The following SMARCD2 variants were observed in gnomAD, a reference collection of about 807,000 sequenced individuals.
SMARCD2 encodes SWI/SNF related BAF chromatin remodeling complex subunit D2.
SMARCD2 carries 39 observed loss-of-function variants against 70.4 expected under a neutral mutation model. The ratio of observed to expected loss-of-function variants is 0.55; its 90% confidence interval spans 0.43 to 0.72. The LOEUF (loss-of-function observed/expected upper bound fraction) is 0.72, where lower values mean the gene tolerates loss of function less well. Ranked by LOEUF, SMARCD2 falls within the 30% of genes least tolerant of loss-of-function variation. The probability of loss-of-function intolerance (pLI) is 0.00; values close to 1 mark genes in which losing one functional copy is unlikely to be tolerated. For missense variants in SMARCD2, 540 were observed against 713.4 expected, an observed-to-expected ratio of 0.76 and a Z score of 2.77; for synonymous variants, 249 against 279.4, an observed-to-expected ratio of 0.89 and a Z score of 1.08.
chr17:63,842,085 C>G (rs1456540181), intron 1 of SMARCD2, among the ~76,000 whole-genome samples: 1 of 152,204 alleles, frequency 6.6e-6, no homozygotes, highest in Non-Finnish European at 1.5e-5. Flanking sequence ...TGCAGGGTAA[C>G]CCCGGTTTCT....
rs2040250984 is a variant in SMARCD2 at position 63,835,273 on chromosome 17, C to T, written c.723+139G>A. 3.8e-6 allele frequency: 3 copies of T among 798,868 alleles called. No individual in the cohort carries two copies. The highest frequency in any genetic ancestry group is 2.9e-5 in the Admixed American group (1 of 34,196). The allele number at this position is 798,868 out of a possible 1,614,324, so 49.5% of individuals were successfully genotyped here. ...GAGTAGCTGGGACTACAGGTGCATG[C>T]CACCGCACCCAGCTAATTTTTAAAT... On this transcript the variant is annotated intron_variant, in intron 5 of 12. Coordinates refer to ENST00000448276, the MANE Select transcript of SMARCD2 (RefSeq NM_001098426.2).
Position 63,834,145 on chromosome 17 carries a change from CG to C in SMARCD2, c.1083+21del, listed in dbSNP as rs1567760687. 6.2e-7 allele frequency: 1 copy of C among 1,607,676 alleles called. No individual in the cohort carries two copies. The highest frequency in any genetic ancestry group is 1.7e-5 in the Admixed American group (1 of 59,180). On this transcript the variant is annotated intron_variant, in intron 8 of 12. Transcript: ENST00000448276. The surrounding 1 kb of genome is among the most constrained non-coding windows in gnomAD (Gnocchi z 5.6). ...CAAGGCAAAGCAAGGGCTGAGAAAA[CG>C]GGGGCTGGCATCTGGCTAACCTGGC...
chr17:63,839,080 G>A, intron 1 of SMARCD2: 1 of 985,374 alleles, frequency 1.0e-6, no homozygotes, highest in African/African-American at 1.7e-5. Flanking sequence ...TCTGCATCAG[G>A]AAGAGATTAA....
chr17:63,839,370 C>CCAGAT (rs1904351233), intron 1 of SMARCD2: 1 of 285,380 alleles, frequency 3.5e-6, no homozygotes, highest in Non-Finnish European at 5.3e-6. Flanking sequence ...GCAGGTGCTC[C>CCAGAT]GGTAACAGGA....
chr17:63,834,361 T>C lies in SMARCD2; in HGVS notation c.922-33A>G. The C allele has an allele frequency of 6.2e-7, 1 of 1,600,972 alleles. No individual in the cohort carries two copies. On this transcript the variant is annotated intron_variant, in intron 7 of 12. Transcript: ENST00000448276. This position sits in a 1 kb window ranked among gnomAD's most constrained non-coding sequence, Gnocchi z 5.6. ...TGGATGGAGGGGAGTCAGAACGGGT[T>C]CTTATAGTAGAACAGTGGGAAAATA... is the stretch of plus-strand genomic sequence containing the variant.
In SMARCD2 at chr17:63,833,276, C is replaced by T. The variant is rs1295716081; in HGVS notation, c.1440+22G>A. On this transcript the variant is annotated intron_variant, in intron 11 of 12. Transcript: ENST00000448276. The surrounding 1 kb of genome is among the most constrained non-coding windows in gnomAD (Gnocchi z 4.3). ...TCACCCAGAGCTTTACATAGGAGTCCCCTCGGGAAAGAGGACTACACCTTG... is the reference window on the plus strand; with the variant it reads ...TCACCCAGAGCTTTACATAGGAGTCTCCTCGGGAAAGAGGACTACACCTTG... 6.2e-7 allele frequency: 1 copy of T among 1,613,838 alleles called. No homozygotes were observed.
chr17:63,836,183 C>T (rs1257949147), intron 4 of SMARCD2, among the ~76,000 whole-genome samples: 1 of 152,018 alleles, frequency 6.6e-6, no homozygotes, highest in Admixed American at 6.6e-5. Flanking sequence ...ATATCCTAGT[C>T]CCCTGGAAAG....
At chr17:63,836,345 A>G (rs2040265351) in intron 4 of SMARCD2, among the ~76,000 whole-genome samples, 1 of 151,932 alleles carries the variant, frequency 6.6e-6, no homozygotes. Flanking sequence ...TAAAAATACA[A>G]AAATTAGCCG....
intron 5 of SMARCD2, 177 bp downstream of exon 5, chr17:63,835,235 G>A (rs1291697255): frequency 1.8e-5 from 11 of 612,158 alleles, no homozygotes; most frequent in Non-Finnish European, 3.1e-5. Context: ...CCATCCTCCT[G>A]CATCAGCCTT....
chr17:63,838,304 G>T (rs369435114), intron 1 of SMARCD2, among the ~76,000 whole-genome samples: 1 of 151,916 alleles, frequency 6.6e-6, no homozygotes, highest in Non-Finnish European at 1.5e-5. Context: ...CCACAGCCCA[G>T]AACTGGACCC....
In SMARCD2 at chr17:63,832,949, G is replaced by T; in HGVS notation, c.1585C>A (p.Arg529Ser). ...RQELEQVLGI[R>S]LT The stretch of plus-strand genomic sequence containing the variant: ...AGATCCCTGAGCAGTTAGGTCAGGC[G>T]AATTCCCAGCACCTGTTCCAGTTCC... Residue 529 changes from arginine (R) to serine (S), a missense_variant, in exon 13 of 13, where the codon CGC becomes AGC. Coordinates refer to ENST00000448276, the MANE Select transcript of SMARCD2 (RefSeq NM_001098426.2). 1 of 1,570,078 alleles carries T rather than the reference G, an allele frequency of 6.4e-7. No individual in the cohort carries two copies.
chr17:63,842,531 TGCCGGACCC>T lies in SMARCD2; in HGVS notation c.135_143del (p.Pro47_Gly49del). On this transcript the variant is annotated inframe_deletion, in exon 1 of 13. Transcript: ENST00000448276. The stretch of plus-strand genomic sequence containing the variant: ...CGGCCCCGGGGCCCCCCACGCCTCC[TGCCGGACCC>T]GGTCCCCGGAGCGCCGGTCCGGGCA... The T allele has an allele frequency of 8.3e-7, 1 of 1,212,096 alleles. No individual in the cohort carries two copies. Among genetic ancestry groups the T allele is most frequent in the South Asian group, 4.0e-5 (1 of 25,204 alleles). 75.1% of individuals were successfully genotyped at this position (1,212,096 alleles called of 1,614,324 possible).
chr17:63,837,489 C>T lies in SMARCD2; in HGVS notation c.353G>A (p.Arg118His), dbSNP rs1457142148. 8 of 1,591,494 alleles carry T rather than the reference C, an allele frequency of 5.0e-6. No individual in the cohort carries two copies. In the African/African-American group the frequency reaches 9.4e-5, roughly 19 times the overall value. ...PPTMMDPFRK[R>H]LLVPQAQPPM... The stretch of plus-strand genomic sequence containing the variant: ...AGGCTGCGCCTGGGGCACAAGCAGG[C>T]GTTTTCGGAATGGATCCATCATGGT... The change falls in exon 2 of 13, where the codon CGC becomes CAC. Residue 118 changes from arginine (R) to histidine (H), a missense_variant. Arg to His is a conservative substitution (Grantham distance 29, BLOSUM62 0). Coordinates refer to ENST00000448276, the MANE Select transcript of SMARCD2 (RefSeq NM_001098426.2). The surrounding 1 kb of genome is among the most constrained non-coding windows in gnomAD (Gnocchi z 6.4).
chr17:63,840,346 T>TA (rs1172588981), intron 1 of SMARCD2, among the ~76,000 whole-genome samples: 1 of 151,556 alleles, frequency 6.6e-6, no homozygotes, highest in Non-Finnish European at 1.5e-5. Context: ...AATTTTTTTT[T>TA]TTTTTTTTAA....
In SMARCD2 at chr17:63,835,532, C is replaced by T. The variant is rs577418122; in HGVS notation, c.603G>A (p.Thr201=). Residue 201 remains threonine (T), a synonymous_variant, in exon 5 of 13, where the codon ACG becomes ACA. Transcript: ENST00000448276. ...CGCCTTCCGCCTTGCTGGGACTGAACGTATTGGAAATGTAGATCCGAAGCT... is the reference window on the plus strand; with the variant it reads ...CGCCTTCCGCCTTGCTGGGACTGAATGTATTGGAAATGTAGATCCGAAGCT... ...KRKLRIYISN[T]FSPSKAEGDS... The T allele has an allele frequency of 1.1e-5, 18 of 1,613,856 alleles. 1 individual carries two copies. The highest frequency in any genetic ancestry group is 3.3e-5 in the Admixed American group (2 of 60,004).
Position 63,833,754 on chromosome 17 carries a change from T to C in SMARCD2, c.1182-32A>G, listed in dbSNP as rs2040226889. 2.5e-6 allele frequency: 4 copies of C among 1,613,252 alleles called. No homozygotes were observed. Among genetic ancestry groups the C allele is most frequent in the Non-Finnish European group, 2.5e-6 (3 of 1,179,344 alleles). On this transcript the variant is annotated intron_variant, in intron 9 of 12. Coordinates refer to ENST00000448276, the MANE Select transcript of SMARCD2 (RefSeq NM_001098426.2). This position sits in a 1 kb window ranked among gnomAD's most constrained non-coding sequence, Gnocchi z 4.3. ...GCAGCACATGGGGAGGGAAGGCACA[T>C]AGCTGACTTCATCCTGCCCACCTGG...
Position 63,834,497 on chromosome 17 carries a change from G to T in SMARCD2, c.898C>A (p.Leu300Ile). ...ACCTGATGATCCAGCATGAGCAGGA[G>T]GGTGCACTTGACGTTGAGGTCTCCA... ...RPGDLNVKCT[L>I]LLMLDHQPPQ... is the part of the protein sequence containing the mutation. Residue 300 changes from leucine to isoleucine, a missense_variant, in exon 7 of 13, where the codon CTC becomes ATC. Physicochemically the swap from Leu to Ile is conservative, Grantham distance 5 (BLOSUM62 2). Transcript: ENST00000448276. The surrounding 1 kb of genome is among the most constrained non-coding windows in gnomAD (Gnocchi z 5.6). 1 of 1,601,768 alleles carries T rather than the reference G, an allele frequency of 6.2e-7. No homozygotes were observed. The highest frequency in any genetic ancestry group is 1.1e-5 in the South Asian group (1 of 90,256).
In SMARCD2 at chr17:63,834,202, G is replaced by T. The variant is rs1193180994; in HGVS notation, c.1048C>A (p.Arg350=). 1 of 1,607,756 alleles carries T rather than the reference G, an allele frequency of 6.2e-7. No homozygotes were observed. Among genetic ancestry groups the T allele is most frequent in the Admixed American group, 1.7e-5 (1 of 58,780 alleles). The change falls in exon 8 of 13, where the codon CGG becomes AGG. Residue 350 remains arginine, a synonymous_variant. Transcript: ENST00000448276. The surrounding 1 kb of genome is among the most constrained non-coding windows in gnomAD (Gnocchi z 5.6). ...TAACGGTTGCAGTTGATGTACTCCC[G>T]CTCGTGCCCATCCTGCAGCTGGTTG... The part of the protein sequence containing the change: ...KHNQLQDGHE[R]EYINCNRYFR...
intron 1 of SMARCD2, chr17:63,839,175 T>TA: frequency 1.0e-6 from 1 of 985,340 alleles, no homozygotes; most frequent in African/African-American, 1.7e-5. Context: ...AGAAAAAAAC[T>TA]AAGTGTGGCT....
Sources: allele counts gnomAD v4.1 joint callset (sites outside exome capture counted in the v4.1 genomes callset), GRCh38; gene constraint gnomAD v4.1.1; non-coding constraint Gnocchi (gnomAD v3.1); transcripts MANE v1.5; gene names NCBI Gene and HGNC (gene_info 2026-07-23, HGNC 2026-07-21).